RNF180: variants seen among roughly 807,000 people sequenced by gnomAD.
The protein encoded by RNF180 is ring finger protein 180.
In RNF180, 38 loss-of-function variants were observed where a neutral mutation model predicts 59.2. That is an observed-to-expected ratio of 0.64 (90% confidence interval 0.50 to 0.84). The LOEUF is 0.84. Among genes scored for constraint, RNF180 ranks in the 40% least tolerant of loss-of-function variants. The pLI is 0.00. For synonymous variants in RNF180, 262 were observed against 240.3 expected, an observed-to-expected ratio of 1.09 and a Z score of -0.84; for missense variants, 705 against 700.9, an observed-to-expected ratio of 1.01 and a Z score of -0.07.
chr5:64,190,924 T>C (rs1751116223), intron 1 of RNF180, among the ~76,000 whole-genome samples: 1 of 152,208 alleles, frequency 6.6e-6, no homozygotes, highest in African/African-American at 2.4e-5. Context: ...ATTCTGTTAT[T>C]GAAACCCAAG....
At position 64,370,789 on chromosome 5, in the gene RNF180, C is replaced by CA. The variant is rs1280099647; in HGVS notation, c.*981dup. ...TGGAATTGGGGCAGGTAACCCAATT[C>CA]AAAAAAGGAAAAACTGGAGCAGAGA... On this transcript the variant is annotated 3_prime_UTR_variant, in exon 8 of 8. Coordinates refer to ENST00000389100, the MANE Select transcript of RNF180 (RefSeq NM_001113561.2). 1.3e-5 allele frequency: 2 copies of CA among 150,988 alleles called. No homozygotes were observed. Among genetic ancestry groups the CA allele is most frequent in the African/African-American group, 4.9e-5 (2 of 41,208 alleles). 9.4% of individuals were successfully genotyped at this position (150,988 alleles called of 1,614,324 possible).
intron 5 of RNF180, among the ~76,000 whole-genome samples, chr5:64,226,841 T>C (rs1741793021): frequency 1.3e-5 from 2 of 152,182 alleles, no homozygotes; most frequent in African/African-American, 4.8e-5. Flanking sequence ...GTAATAAGCA[T>C]CATCGATGGA....
Position 64,322,602 on chromosome 5 carries a change from C to CGTGTGTGTGTGTGT in RNF180, c.1228-2561_1228-2548dup, listed in dbSNP as rs76117470. Among the ~76,000 whole-genome samples, 694 of 143,492 alleles carry CGTGTGTGTGTGTGT rather than the reference C, an allele frequency of 4.8e-3. 5 individuals carry two copies. The highest frequency in any genetic ancestry group is 0.018 in the East Asian group (85 of 4,776). The allele number at this position is 143,492 out of a possible 152,430, so 94.1% of individuals were successfully genotyped here. A position where few individuals can be genotyped will look rare whatever the true frequency, so the allele number is the denominator to read the frequency against. On this transcript the variant is annotated intron_variant, in intron 5 of 7. Coordinates refer to ENST00000389100, the MANE Select transcript of RNF180 (RefSeq NM_001113561.2). ...ATATATATAACGGAATATATATATA[C>CGTGTGTGTGTGTGT]GTGTGTGTGTGTGTGTGTGTGTGTG...
rs1247556134 is a variant in RNF180, at chr5:64,319,809, T to C, written c.1228-5377T>C. On this transcript the variant is annotated intron_variant, in intron 5 of 7. Coordinates refer to ENST00000389100, the MANE Select transcript of RNF180 (RefSeq NM_001113561.2). ...GCGGCCTTTTATTATGAAAACAAAC[T>C]AGCAGCAGTCAAAACAAAACAAATA... Among the ~76,000 whole-genome samples the C allele has an allele frequency of 2.6e-5, 4 of 152,210 alleles. No homozygotes were observed. The East Asian group carries it at 7.7e-4, about 29-fold the overall frequency.
chr5:64,224,206 A>G (rs951916399), intron 5 of RNF180, among the ~76,000 whole-genome samples: 1 of 152,132 alleles, frequency 6.6e-6, no homozygotes, highest in Admixed American at 6.6e-5. Flanking sequence ...GAGTTGATAG[A>G]GTCCTTGACA....
chr5:64,275,334 C>G (rs1029439601), intron 5 of RNF180, among the ~76,000 whole-genome samples: 6 of 135,454 alleles, frequency 4.4e-5, no homozygotes, highest in African/African-American at 1.6e-4. Context: ...ATCTTATTCT[C>G]TAAATCTTAT....
intron 5 of RNF180, among the ~76,000 whole-genome samples, chr5:64,230,187 G>T (rs1196695815): frequency 6.6e-6 from 1 of 152,146 alleles, no homozygotes; most frequent in African/African-American, 2.4e-5. Flanking sequence ...TGTATTTTAA[G>T]GAAATGAAGG....
chr5:64,351,536 G>C (rs1337222373), intron 7 of RNF180, among the ~76,000 whole-genome samples: 1 of 151,946 alleles, frequency 6.6e-6, no homozygotes, highest in African/African-American at 2.4e-5. Flanking sequence ...TATTGGCTGT[G>C]GGTTTGTCAT....
intron 5 of RNF180, among the ~76,000 whole-genome samples, chr5:64,222,975 T>C (rs1411369541): frequency 6.6e-6 from 1 of 152,230 alleles, no homozygotes; most frequent in Non-Finnish European, 1.5e-5. Context: ...TACATATCCC[T>C]TACATTAGTT....
chr5:64,291,419 T>C (rs1742576228), intron 5 of RNF180, among the ~76,000 whole-genome samples: 1 of 86,874 alleles, frequency 1.2e-5, no homozygotes, highest in African/African-American at 4.7e-5. Context: ...ATGTTTTCTT[T>C]TTTTTTTTTT....
At chr5:64,197,936 C>T (rs141828210) in intron 1 of RNF180, among the ~76,000 whole-genome samples, 1 of 151,970 alleles carries the variant, frequency 6.6e-6, no homozygotes, top group African/African-American at 2.4e-5. Context: ...CAAGGTGTTC[C>T]TTATACTATA....
At chr5:64,225,454 C>T (rs2112169628) in intron 5 of RNF180, among the ~76,000 whole-genome samples, 1 of 142,556 alleles carries the variant, frequency 7.0e-6, no homozygotes, top group African/African-American at 2.6e-5. Flanking sequence ...CGGCCATCGT[C>T]TGGGATGTGA....
chr5:64,279,173 A>C (rs1332680323), intron 5 of RNF180, among the ~76,000 whole-genome samples: 1 of 152,238 alleles, frequency 6.6e-6, no homozygotes, highest in African/African-American at 2.4e-5. Flanking sequence ...AGGAGACTCT[A>C]TTCAAGTGGC....
intron 7 of RNF180, among the ~76,000 whole-genome samples, chr5:64,344,740 CT>C (rs1356114402): frequency 5.3e-5 from 8 of 151,972 alleles, no homozygotes; most frequent in Non-Finnish European, 1.2e-4. Flanking sequence ...GGAAAGGCCT[CT>C]TTTAGCCAAT....
chr5:64,206,995 G>C (rs1235236292), intron 2 of RNF180, among the ~76,000 whole-genome samples: 1 of 152,034 alleles, frequency 6.6e-6, no homozygotes, highest in Non-Finnish European at 1.5e-5. Context: ...CCTGTAATAG[G>C]AACTGGAAAC....
intron 2 of RNF180, among the ~76,000 whole-genome samples, chr5:64,205,077 C>A (rs1009297367): frequency 6.6e-6 from 1 of 152,272 alleles, no homozygotes; most frequent in South Asian, 2.1e-4. Flanking sequence ...CCTCCCAAAG[C>A]TAGGAACTGG....
intron 5 of RNF180, among the ~76,000 whole-genome samples, chr5:64,319,385 T>A (rs1309518662): frequency 6.6e-6 from 1 of 152,142 alleles, no homozygotes; most frequent in Non-Finnish European, 1.5e-5. Flanking sequence ...ATTATACTAT[T>A]GTGTTAATGT....
intron 5 of RNF180, among the ~76,000 whole-genome samples, chr5:64,218,693 A>G (rs1439544501): frequency 2.0e-5 from 3 of 152,162 alleles, no homozygotes; most frequent in Non-Finnish European, 4.4e-5. Flanking sequence ...GACTCTCGTA[A>G]TACGTGAACA....
intron 5 of RNF180, among the ~76,000 whole-genome samples, chr5:64,307,029 A>T (rs894420109): frequency 1.3e-5 from 2 of 151,420 alleles, no homozygotes; most frequent in Non-Finnish European, 3.0e-5. Context: ...GTGACCATAA[A>T]ATGGTTAATG....
Sources: allele counts gnomAD v4.1 joint callset (sites outside exome capture counted in the v4.1 genomes callset), GRCh38; gene constraint gnomAD v4.1.1; transcripts MANE v1.5; gene names NCBI Gene and HGNC (gene_info 2026-07-23, HGNC 2026-07-21).